The following SLC45A2 variants were observed in gnomAD, a reference collection of about 807,000 sequenced individuals.
SLC45A2 encodes the protein membrane-associated transporter protein.
Under a neutral mutation model 45.5 loss-of-function variants are expected in SLC45A2, and 36 were observed. The observed-to-expected ratio is 0.79, with a 90% CI of 0.61 to 1.04. SLC45A2 has a LOEUF of 1.04. Ranked by LOEUF, SLC45A2 falls within the 50% of genes least tolerant of loss-of-function variation. The pLI, the probability that SLC45A2 is intolerant of heterozygous loss-of-function variation, is 0.00. For synonymous variants in SLC45A2, 306 were observed against 269.3 expected (o/e 1.14, Z -1.33); for missense variants, 719 against 671.0 (o/e 1.07, Z -0.79).
intron 2 of SLC45A2, among the ~76,000 whole-genome samples, chr5:33,981,041 A>G (rs1157365003): frequency 6.6e-6 from 1 of 152,062 alleles, no homozygotes; most frequent in African/African-American, 2.4e-5. Context: ...GAGTGAGGAG[A>G]CACACGTGGA....
chr5:33,982,397 G>C lies in SLC45A2; in HGVS notation c.401C>G (p.Pro134Arg), dbSNP rs2112015514. The change falls in exon 2 of 7, where the codon CCA (proline) becomes CGA (arginine). Residue 134 changes from proline to arginine, a missense_variant. Transcript: ENST00000296589. ...ATVVAALIAN[P>R]RRKLVWAISV... ...TATGGCCCAAACCAGCTTCCTCCTT[G>C]GGTTAGCAATCAAAGCTAAAAGAAA... 6.2e-7 allele frequency: 1 copy of C among 1,614,006 alleles called. No homozygotes were observed. Among genetic ancestry groups the C allele is most frequent in the Middle Eastern group, 1.6e-4 (1 of 6,062 alleles).
intron 2 of SLC45A2, 38 bp from the exon 3 acceptor site, chr5:33,964,054 A>C (rs1752530389): frequency 6.2e-7 from 1 of 1,602,352 alleles, no homozygotes; most frequent in Non-Finnish European, 8.5e-7. Context: ...ATATTTAGCA[A>C]ATTATCGTTC....
At chr5:33,982,466 T>C in intron 1 of SLC45A2, 54 bp from the exon 2 acceptor site, 1 of 1,559,924 alleles carries the variant, frequency 6.4e-7, no homozygotes, top group Admixed American at 1.7e-5. Context: ...ATCATCCGCG[T>C]TTTGTAATTT....
chr5:33,947,413 G>T, intron 5 of SLC45A2, 39 bp from the exon 6 acceptor site: 1 of 1,534,872 alleles, frequency 6.5e-7, no homozygotes, highest in Non-Finnish European at 9.0e-7. Context: ...AGCTGGCAGT[G>T]CCTCATAACA....
intron 6 of SLC45A2, chr5:33,946,185 G>GT (rs1214357694): frequency 4.1e-6 from 4 of 985,306 alleles, no homozygotes; most frequent in African/African-American, 1.7e-5. Flanking sequence ...TGTAGGGACA[G>GT]TTTTTTATGA....
chr5:33,983,948 T>C (rs1345142479), intron 1 of SLC45A2, among the ~76,000 whole-genome samples: 5 of 152,202 alleles, frequency 3.3e-5, no homozygotes, highest in Non-Finnish European at 7.3e-5. Flanking sequence ...TTTAATAAAA[T>C]AGATACAAAT....
intron 2 of SLC45A2, among the ~76,000 whole-genome samples, chr5:33,980,108 A>C (rs1208280366): frequency 6.6e-6 from 1 of 152,190 alleles, no homozygotes; most frequent in East Asian, 1.9e-4. Flanking sequence ...ATTATAATAA[A>C]ACAGAAGGAA....
chr5:33,965,568 G>A (rs946144553), intron 2 of SLC45A2, among the ~76,000 whole-genome samples: 1 of 152,152 alleles, frequency 6.6e-6, no homozygotes, highest in Non-Finnish European at 1.5e-5. Context: ...GAAATTTATG[G>A]CCTAGTTATA....
chr5:33,976,335 C>T (rs981837133), intron 2 of SLC45A2, among the ~76,000 whole-genome samples: 10 of 152,168 alleles, frequency 6.6e-5, no homozygotes, highest in South Asian at 4.1e-4. Flanking sequence ...CTCATTCACA[C>T]GTATGTTACC....
At chr5:33,946,167 A>C in intron 6 of SLC45A2, 1 of 985,224 alleles carries the variant, frequency 1.0e-6, no homozygotes, top group Non-Finnish European at 1.2e-6. Context: ...ACCATGTAAC[A>C]CTCTCCTTGT....
At chr5:33,951,392 C>T (rs1561356703) in intron 5 of SLC45A2, 162 bp downstream of exon 5, 22 of 1,546,798 alleles carry the variant, frequency 1.4e-5, no homozygotes, top group Non-Finnish European at 6.9e-6. Flanking sequence ...AAAAAGGATG[C>T]TTTATATGGT....
chr5:33,961,907 AGGACTCCC>A (rs1752469434), intron 3 of SLC45A2, among the ~76,000 whole-genome samples: 1 of 152,218 alleles, frequency 6.6e-6, no homozygotes, highest in African/African-American at 2.4e-5. Context: ...CTTTGGCTGG[AGGACTCCC>A]ATTTGGCCTG....
At chr5:33,960,069 G>A (rs555639168) in intron 3 of SLC45A2, among the ~76,000 whole-genome samples, 35 of 152,028 alleles carry the variant, frequency 2.3e-4, no homozygotes, top group Non-Finnish European at 4.3e-4. Context: ...ATGTAATGTG[G>A]TATCCTAGAT....
intron 6 of SLC45A2, chr5:33,946,342 T>A: frequency 1.0e-6 from 1 of 985,448 alleles, no homozygotes; most frequent in Non-Finnish European, 1.2e-6. Context: ...ATGGCCAGAA[T>A]TATAGTCTGA....
chr5:33,948,648 C>T (rs573849637), intron 5 of SLC45A2, among the ~76,000 whole-genome samples: 23 of 152,322 alleles, frequency 1.5e-4, no homozygotes, highest in Non-Finnish European at 1.2e-4. Flanking sequence ...TATACCATGA[C>T]TGGAGGACTG....
chr5:33,965,813 C>G (rs559263864), intron 2 of SLC45A2, among the ~76,000 whole-genome samples: 1 of 152,356 alleles, frequency 6.6e-6, no homozygotes, highest in East Asian at 1.9e-4. Flanking sequence ...TGTATTAAGT[C>G]TGCTCCCCAA....
chr5:33,973,782 A>C (rs1031469646), intron 2 of SLC45A2, among the ~76,000 whole-genome samples: 1 of 152,266 alleles, frequency 6.6e-6, no homozygotes, highest in Non-Finnish European at 1.5e-5. Context: ...GAAATCAAGT[A>C]AATATAAACA....
At chr5:33,981,316 C>T (rs933332416) in intron 2 of SLC45A2, among the ~76,000 whole-genome samples, 1 of 152,202 alleles carries the variant, frequency 6.6e-6, no homozygotes, top group African/African-American at 2.4e-5. Flanking sequence ...CATGGGCAGG[C>T]AGCAGTCTTA....
intron 6 of SLC45A2, chr5:33,946,498 G>A: frequency 1.0e-6 from 1 of 985,634 alleles, no homozygotes; most frequent in Non-Finnish European, 1.2e-6. Context: ...ATAAGAAGAG[G>A]TGGTAATTTT....
Sources: allele counts gnomAD v4.1 joint callset (sites outside exome capture counted in the v4.1 genomes callset), GRCh38; gene constraint gnomAD v4.1.1; transcripts MANE v1.5; gene names NCBI Gene and HGNC (gene_info 2026-07-23, HGNC 2026-07-21).